The following KCNE1 variants were observed in gnomAD, a reference collection of about 807,000 sequenced individuals.
KCNE1 encodes potassium voltage-gated channel subfamily E member 1.
Under a neutral mutation model 2.9 loss-of-function variants are expected in KCNE1, and 1 was observed. The ratio of observed to expected loss-of-function variants is 0.34; its 90% CI spans 0.12 to 1.62. The LOEUF is 1.62. Ranked by LOEUF, KCNE1 falls within the 40% of genes most tolerant of loss-of-function variation. The pLI is 0.36. For synonymous variants in KCNE1, 23 were observed against 65.4 expected, an observed-to-expected ratio of 0.35 and a Z score of 3.13; for missense variants, 45 against 150.5, an observed-to-expected ratio of 0.30 and a Z score of 3.67.
chr21:34,504,890 C>A (rs1841336756), intron 2 of KCNE1, among the ~76,000 whole-genome samples: 1 of 152,082 alleles, frequency 6.6e-6, no homozygotes, highest in African/African-American at 2.4e-5. Context: ...ACTTAGGGCT[C>A]AGCTTGCGAG....
At chr21:34,504,676 C>T (rs546034613) in intron 2 of KCNE1, among the ~76,000 whole-genome samples, 28 of 152,314 alleles carry the variant, frequency 1.8e-4, no homozygotes, top group African/African-American at 5.5e-4. Context: ...GATGAATGAA[C>T]TGACACAATG....
intron 2 of KCNE1, among the ~76,000 whole-genome samples, chr21:34,506,290 A>C (rs1418949955): frequency 6.6e-6 from 1 of 151,992 alleles, no homozygotes; most frequent in Non-Finnish European, 1.5e-5. Flanking sequence ...TCTTCTTGTC[A>C]CTCCGTGGTT....
chr21:34,496,583 T>C (rs1982824758), intron 2 of KCNE1, among the ~76,000 whole-genome samples: 1 of 152,252 alleles, frequency 6.6e-6, no homozygotes, highest in African/African-American at 2.4e-5. Flanking sequence ...GCCTATCATA[T>C]GGTCTATCTT....
chr21:34,507,380 G>A (rs1983561381), intron 2 of KCNE1, among the ~76,000 whole-genome samples: 1 of 152,164 alleles, frequency 6.6e-6, no homozygotes, highest in African/African-American at 2.4e-5. Flanking sequence ...CAGGAAGCTT[G>A]GAGGGGAAAA....
intron 1 of KCNE1, 28 bp from the exon 2 acceptor site, chr21:34,511,343 A>C: frequency 1.0e-6 from 1 of 982,942 alleles, no homozygotes. Flanking sequence ...CCAGCTGGAA[A>C]CTTAATCCCC....
At chr21:34,499,581 C>A (rs8134957) in intron 2 of KCNE1, among the ~76,000 whole-genome samples, 74,787 of 152,048 alleles carry the variant, frequency 0.49, 18,776 homozygotes, top group East Asian at 0.77. Flanking sequence ...AAAGCTGGAG[C>A]ATGGGAATGT....
At chr21:34,508,504 G>A (rs1000875127) in intron 2 of KCNE1, among the ~76,000 whole-genome samples, 1 of 151,980 alleles carries the variant, frequency 6.6e-6, no homozygotes, top group Admixed American at 6.6e-5. Flanking sequence ...CATCACACTC[G>A]GCTAATTTTT....
At position 34,501,741 on chromosome 21, in the gene KCNE1, C is replaced by T. The variant is rs1317571083; in HGVS notation, c.-162+9360G>A. Among the ~76,000 whole-genome samples, 4 of 152,186 alleles carry T rather than the reference C, an allele frequency of 2.6e-5. No individual in the cohort carries two copies. The East Asian group carries it at 7.7e-4, about 29-fold the overall frequency. On this transcript the variant is annotated intron_variant, in intron 2 of 3. Coordinates refer to ENST00000399286, the MANE Select transcript of KCNE1 (RefSeq NM_000219.6). ...AGTACATGGGCCCCAGGCCAGCGCC[C>T]AGAAACAAGCCCAGACACAAGAACC... is the stretch of plus-strand genomic sequence containing the variant.
intron 2 of KCNE1, among the ~76,000 whole-genome samples, chr21:34,506,726 T>C (rs979449853): frequency 6.6e-6 from 1 of 152,250 alleles, no homozygotes; most frequent in African/African-American, 2.4e-5. Context: ...ATTGAACTCA[T>C]TGGCAAACTA....
At chr21:34,508,531 C>T (rs374505205) in intron 2 of KCNE1, among the ~76,000 whole-genome samples, 39 of 152,182 alleles carry the variant, frequency 2.6e-4, no homozygotes, top group African/African-American at 7.7e-4. Context: ...TTAGTACAGA[C>T]GGGGTTTTGC....
intron 2 of KCNE1, among the ~76,000 whole-genome samples, chr21:34,499,824 G>T (rs928043868): frequency 6.6e-6 from 1 of 152,142 alleles, no homozygotes; most frequent in Non-Finnish European, 1.5e-5. Context: ...AAGGATCAGT[G>T]AATTATTTTG....
intron 2 of KCNE1, among the ~76,000 whole-genome samples, chr21:34,501,211 T>C (rs555387162): frequency 6.6e-6 from 1 of 152,372 alleles, no homozygotes; most frequent in South Asian, 2.1e-4. Context: ...TGAGGGACTC[T>C]ACTTATGTAC....
At position 34,511,277 on chromosome 21, in the gene KCNE1, C is replaced by T; in HGVS notation, c.-338G>A. On this transcript the variant is annotated 5_prime_UTR_variant, in exon 2 of 4. Coordinates refer to ENST00000399286, the MANE Select transcript of KCNE1 (RefSeq NM_000219.6). Reference sequence around the variant, plus strand: ...GCTCCAGGCCATGCCATTCAACGCCCTCCAGGACAGGCCGAAGGGCTTGTC... The same window carrying T: ...GCTCCAGGCCATGCCATTCAACGCCTTCCAGGACAGGCCGAAGGGCTTGTC... The T allele has an allele frequency of 1.0e-6, 1 of 985,530 alleles. No individual in the cohort carries two copies. Among genetic ancestry groups the T allele is most frequent in the Non-Finnish European group, 1.2e-6 (1 of 830,012 alleles). 61.0% of individuals were successfully genotyped at this position (985,530 alleles called of 1,614,324 possible).
intron 2 of KCNE1, among the ~76,000 whole-genome samples, chr21:34,507,131 C>T (rs555433399): frequency 1.3e-5 from 2 of 152,140 alleles, no homozygotes; most frequent in South Asian, 4.2e-4. Context: ...TTCAAAAGCT[C>T]GCTCTGACAG....
At chr21:34,501,807 C>T (rs1406888054) in intron 2 of KCNE1, among the ~76,000 whole-genome samples, 2 of 152,338 alleles carry the variant, frequency 1.3e-5, no homozygotes, top group South Asian at 2.1e-4. Context: ...GGCCCCCATT[C>T]ACTCTGCAGC....
chr21:34,509,044 TC>T (rs1983678198), intron 2 of KCNE1, among the ~76,000 whole-genome samples: 1 of 152,256 alleles, frequency 6.6e-6, no homozygotes, highest in South Asian at 2.1e-4. Flanking sequence ...CACCTTGGTT[TC>T]TGTGGGTCAA....
chr21:34,510,390 C>A (rs1387187704), intron 2 of KCNE1: 2 of 152,490 alleles, frequency 1.3e-5, no homozygotes, highest in African/African-American at 2.4e-5. Context: ...TCTGGTCTCA[C>A]TTTCCATTCT....
Sources: gnomAD v4.1 joint callset for allele counts (sites outside exome capture counted in the v4.1 genomes callset) on GRCh38, gnomAD v4.1.1 for gene constraint, MANE v1.5 for transcripts, NCBI Gene and HGNC (gene_info 2026-07-23, HGNC 2026-07-21) for gene names.